PARD3B: variants seen among roughly 807,000 people sequenced by gnomAD.
The protein encoded by PARD3B is par-3 family cell polarity regulator beta, also known as partitioning defective 3 homolog B.
Under a neutral mutation model 130.2 loss-of-function variants are expected in PARD3B, and 103 were observed. The observed-to-expected ratio is 0.79, with a 90% confidence interval of 0.67 to 0.93. PARD3B has a LOEUF of 0.93. Ranked by LOEUF, PARD3B falls within the 40% of genes least tolerant of loss-of-function variation. The pLI is 0.00. For synonymous variants in PARD3B, 583 were observed against 553.2 expected (o/e 1.05, Z -0.76); for missense variants, 1,609 against 1,499.2 (o/e 1.07, Z -1.21).
At chr2:205,347,646 A>C (rs1444729757) in intron 18 of PARD3B, among the ~76,000 whole-genome samples, 1 of 152,206 alleles carries the variant, frequency 6.6e-6, no homozygotes, top group Non-Finnish European at 1.5e-5. Context: ...AGATTAATGA[A>C]AGATTTTTTT....
chr2:205,014,727 C>G (rs1253349554), intron 3 of PARD3B, among the ~76,000 whole-genome samples: 1 of 152,106 alleles, frequency 6.6e-6, no homozygotes, highest in African/African-American at 2.4e-5. Flanking sequence ...GTAGTCTAGT[C>G]TAGGAGAGGT....
chr2:204,657,522 T>G (rs750755012), intron 1 of PARD3B, among the ~76,000 whole-genome samples: 1 of 152,100 alleles, frequency 6.6e-6, no homozygotes, highest in African/African-American at 2.4e-5. Context: ...AAAATTTTTT[T>G]TTTGATTCAT....
chr2:204,627,233 T>C (rs1014648959), intron 1 of PARD3B, among the ~76,000 whole-genome samples: 1 of 152,164 alleles, frequency 6.6e-6, no homozygotes, highest in Non-Finnish European at 1.5e-5. Flanking sequence ...TAGTCTTGGG[T>C]ACTATCTTTA....
At position 204,963,436 on chromosome 2, in the gene PARD3B, A is replaced by G. The variant is rs140904038; in HGVS notation, c.223-1716A>G. ...ATATCATATGAAAGAAGAGTAAGAT[A>G]TAACTTAGCTTACACTAAACTGTTC... On this transcript the variant is annotated intron_variant, in intron 2 of 22. Transcript: ENST00000406610. Among the ~76,000 whole-genome samples the G allele has an allele frequency of 2.7e-3, 416 of 152,304 alleles. 4 individuals are homozygous for G. The highest frequency in any genetic ancestry group is 9.6e-3 in the African/African-American group (400 of 41,566).
At chr2:204,600,491 T>A (rs959390900) in intron 1 of PARD3B, among the ~76,000 whole-genome samples, 2 of 151,920 alleles carry the variant, frequency 1.3e-5, no homozygotes, top group African/African-American at 4.8e-5. Flanking sequence ...GGTTAATTGC[T>A]GGTTTCACTA....
At chr2:204,973,274 A>C (rs1245482461) in intron 3 of PARD3B, among the ~76,000 whole-genome samples, 3 of 152,218 alleles carry the variant, frequency 2.0e-5, no homozygotes, top group Non-Finnish European at 2.9e-5. Context: ...ATCTGTATTA[A>C]AAAATTTGTT....
chr2:205,462,839 G>C (rs1180859136), intron 20 of PARD3B, among the ~76,000 whole-genome samples: 4 of 152,100 alleles, frequency 2.6e-5, no homozygotes, highest in Admixed American at 6.5e-5. Flanking sequence ...CAGAAGTTTG[G>C]GGCTGGTTTT....
At chr2:204,863,331 C>T (rs1184344873) in intron 2 of PARD3B, among the ~76,000 whole-genome samples, 1 of 152,166 alleles carries the variant, frequency 6.6e-6, no homozygotes, top group Non-Finnish European at 1.5e-5. Flanking sequence ...GAGCGCCATC[C>T]TTGCATCACC....
chr2:205,267,544 T>C (rs2040557693), intron 16 of PARD3B, among the ~76,000 whole-genome samples: 1 of 152,130 alleles, frequency 6.6e-6, no homozygotes, highest in Non-Finnish European at 1.5e-5. Flanking sequence ...TGTATCACTG[T>C]AGAAGAGAGG....
intron 21 of PARD3B, among the ~76,000 whole-genome samples, chr2:205,509,333 CA>C (rs1404580445): frequency 1.3e-5 from 2 of 152,080 alleles, no homozygotes; most frequent in East Asian, 3.9e-4. Context: ...GAAGCAGAAA[CA>C]GGGAGCTATC....
At position 205,448,937 on chromosome 2, in the gene PARD3B, C is replaced by T. The variant is rs368064197; in HGVS notation, c.3044+8265C>T. ...ATCCCAGCACTTTGGGAGGCCGAGGCGGGTAGATCACCTGAGGTCAGGAGT... is the reference window on the plus strand; with the variant it reads ...ATCCCAGCACTTTGGGAGGCCGAGGTGGGTAGATCACCTGAGGTCAGGAGT... On this transcript the variant is annotated intron_variant, in intron 20 of 22. Transcript: ENST00000406610. Among the ~76,000 whole-genome samples the T allele has an allele frequency of 2.1e-3, 327 of 152,096 alleles. 1 individual carries two copies. Among genetic ancestry groups the T allele is most frequent in the African/African-American group, 6.9e-3 (286 of 41,494 alleles).
chr2:205,016,421 C>T (rs1454670209), intron 3 of PARD3B, among the ~76,000 whole-genome samples: 1 of 152,156 alleles, frequency 6.6e-6, no homozygotes, highest in Non-Finnish European at 1.5e-5. Flanking sequence ...TTACCCAACT[C>T]TCATTCCCTT....
chr2:204,735,191 G>A (rs1302928527), intron 2 of PARD3B, among the ~76,000 whole-genome samples: 1 of 151,926 alleles, frequency 6.6e-6, no homozygotes, highest in Non-Finnish European at 1.5e-5. Context: ...ATTGGATAAA[G>A]TGCACCTTTC....
chr2:205,289,198 A>G (rs1172080709), intron 16 of PARD3B, among the ~76,000 whole-genome samples: 1 of 152,212 alleles, frequency 6.6e-6, no homozygotes, highest in East Asian at 1.9e-4. Flanking sequence ...TTGAAAAGTG[A>G]TAAGAAATCT....
chr2:204,791,098 C>T (rs2042185412), intron 2 of PARD3B, among the ~76,000 whole-genome samples: 1 of 136,290 alleles, frequency 7.3e-6, no homozygotes, highest in Admixed American at 8.0e-5. Context: ...GATCTAGACT[C>T]TGTCTCAAAA....
intron 10 of PARD3B, among the ~76,000 whole-genome samples, chr2:205,148,601 A>T (rs1053266951): frequency 6.6e-6 from 1 of 152,200 alleles, no homozygotes; most frequent in Admixed American, 6.5e-5. Flanking sequence ...GCTGTAACAA[A>T]AGTTTTGTCA....
In PARD3B at chr2:205,592,360, C is replaced by T. The variant is rs1334200627; in HGVS notation, c.3261-23096C>T. ...GTCACTGGGAGAGAAAGGGATGAGG[C>T]TGAAACTCAAATGAGTACCCATTTA... On this transcript the variant is annotated intron_variant, in intron 22 of 22. Transcript: ENST00000406610. This position sits in a 1 kb window ranked among gnomAD's most constrained non-coding sequence, Gnocchi z 4.5. Among the ~76,000 whole-genome samples, 1 of 152,150 alleles carries T rather than the reference C, an allele frequency of 6.6e-6. No individual in the cohort carries two copies. The highest frequency in any genetic ancestry group is 1.5e-5 in the Non-Finnish European group (1 of 68,036).
At chr2:205,179,571 C>T (rs1222656415) in intron 13 of PARD3B, among the ~76,000 whole-genome samples, 1 of 152,156 alleles carries the variant, frequency 6.6e-6, no homozygotes, top group East Asian at 1.9e-4. Context: ...TCAGTAAATG[C>T]TATACAGGAT....
chr2:205,014,628 A>G (rs1230991985), intron 3 of PARD3B, among the ~76,000 whole-genome samples: 2 of 152,256 alleles, frequency 1.3e-5, no homozygotes, highest in African/African-American at 4.8e-5. Context: ...AACTTATTCA[A>G]CAAGTATTTA....
Sources: gnomAD v4.1 joint callset for allele counts (sites outside exome capture counted in the v4.1 genomes callset) on GRCh38, gnomAD v4.1.1 for gene constraint, Gnocchi (gnomAD v3.1) non-coding constraint, MANE v1.5 for transcripts, NCBI Gene and HGNC (gene_info 2026-07-23, HGNC 2026-07-21) for gene names.